Variants in ZNF469 observed in about 807,000 individuals in gnomAD.
ZNF469 encodes zinc finger protein 469.
Under a neutral mutation model 1.0 loss-of-function variants are expected in ZNF469, and 1 was observed. The observed-to-expected ratio is 1.00, with a 90% CI of 0.35 to 4.73. The LOEUF is 4.73. Ranked by LOEUF, ZNF469 falls within the 30% of genes most tolerant of loss-of-function variation. ZNF469 has a pLI of 0.16. For missense variants in ZNF469, 6,100 were observed against 5,356.3 expected (o/e 1.14, Z -4.33); for synonymous variants, 2,703 against 2,363.4 (o/e 1.14, Z -4.17).
the ZNF469 span, among the ~76,000 whole-genome samples, chr16:88,355,099 C>T: frequency 2.0e-5 from 3 of 152,196 alleles, no homozygotes; most frequent in Non-Finnish European, 2.9e-5. Context: ...GGGCAGGGGG[C>T]GCAGAACACT....
chr16:88,321,883 C>G, the ZNF469 span, among the ~76,000 whole-genome samples: 1 of 152,250 alleles, frequency 6.6e-6, no homozygotes, highest in Admixed American at 6.5e-5. Flanking sequence ...GTGCCTCCCC[C>G]AAATGCCTTC....
chr16:88,304,736 G>T, the ZNF469 span, among the ~76,000 whole-genome samples: 1 of 152,200 alleles, frequency 6.6e-6, no homozygotes, highest in Non-Finnish European at 1.5e-5. Context: ...TCTGCTCCTG[G>T]ATGTTGCAAA....
At chr16:88,184,876 G>T in the ZNF469 span, among the ~76,000 whole-genome samples, 1 of 152,282 alleles carries the variant, frequency 6.6e-6, no homozygotes, top group East Asian at 1.9e-4. Flanking sequence ...GCACAGACAC[G>T]GACTCACATA....
the ZNF469 span, among the ~76,000 whole-genome samples, chr16:88,296,391 TACAG>T: frequency 1.3e-5 from 2 of 151,750 alleles, no homozygotes; most frequent in African/African-American, 2.4e-5. Context: ...CAGGTGCACA[TACAG>T]ACACATATGT....
chr16:88,428,430 G>A lies in ZNF469; in HGVS notation c.960G>A (p.Thr320=), dbSNP rs752405331. ...CGTGGCCGGAGGAGGCCGTGGGCAC[G>A]GGCCCTGCCTACCCGCTGCCCACCC... The part of the protein sequence containing the change: ...QGAWPEEAVG[T]GPAYPLPTQP... The change falls in exon 3 of 3, where the codon ACG becomes ACA. Residue 320 remains threonine, a synonymous_variant. Transcript: ENST00000565624. 19 of 1,547,942 alleles carry A rather than the reference G, an allele frequency of 1.2e-5. No homozygotes were observed. The highest frequency in any genetic ancestry group is 1.7e-4 in the Middle Eastern group (1 of 6,012).
At chr16:88,323,309 C>T in the ZNF469 span, among the ~76,000 whole-genome samples, 1 of 152,216 alleles carries the variant, frequency 6.6e-6, no homozygotes, top group East Asian at 1.9e-4. Context: ...GACACCCTCG[C>T]AGGCCGCTCA....
At chr16:88,101,628 T>G in the ZNF469 span, among the ~76,000 whole-genome samples, 11 of 151,944 alleles carry the variant, frequency 7.2e-5, no homozygotes, top group African/African-American at 2.7e-4. Context: ...AGGACGAGTT[T>G]GGGGCTTGCA....
At chr16:88,285,556 C>T in the ZNF469 span, among the ~76,000 whole-genome samples, 80 of 152,380 alleles carry the variant, frequency 5.3e-4, no homozygotes, top group African/African-American at 1.0e-3. Context: ...GCAGCTGACA[C>T]GGCACCCAGG....
chr16:88,211,760 T>G, the ZNF469 span, among the ~76,000 whole-genome samples: 1 of 152,198 alleles, frequency 6.6e-6, no homozygotes, highest in East Asian at 1.9e-4. Context: ...CCACAAATTC[T>G]GTCCTTTGCT....
At chr16:88,271,300 T>G in the ZNF469 span, among the ~76,000 whole-genome samples, 1 of 135,740 alleles carries the variant, frequency 7.4e-6, no homozygotes, top group South Asian at 2.3e-4. Context: ...TGTGGCAACA[T>G]GTGCAGCTGC....
rs1314016911 is a variant in ZNF469, at chr16:88,433,169, C to T, written c.5699C>T (p.Pro1900Leu). Residue 1900 changes from proline (P) to leucine (L), a missense_variant, in exon 3 of 3, where the codon CCC becomes CTC. Transcript: ENST00000565624. Reference sequence around the variant, plus strand: ...AGGTCCCAGGACCCAGCTTTGAGCCCCCCCATACGTCAGCTCCAGCTCCCA... The same window carrying T: ...AGGTCCCAGGACCCAGCTTTGAGCCTCCCCATACGTCAGCTCCAGCTCCCA... ...SRRSQDPALS[P>L]PIRQLQLPGP... The T allele has an allele frequency of 1.9e-6, 3 of 1,550,328 alleles. No individual in the cohort carries two copies. In the South Asian group the frequency reaches 3.6e-5, roughly 18 times the overall value.
chr16:88,321,300 A>G, the ZNF469 span, among the ~76,000 whole-genome samples: 1 of 152,278 alleles, frequency 6.6e-6, no homozygotes, highest in East Asian at 1.9e-4. Flanking sequence ...TTCAGGCAGA[A>G]TCCACCATCC....
chr16:88,264,207 C>T, the ZNF469 span, among the ~76,000 whole-genome samples: 1 of 152,114 alleles, frequency 6.6e-6, no homozygotes, highest in African/African-American at 2.4e-5. Context: ...CCCTTTGCTT[C>T]CAGGAGGAGC....
chr16:88,297,981 TTA>T, the ZNF469 span, among the ~76,000 whole-genome samples: 1 of 152,186 alleles, frequency 6.6e-6, no homozygotes, highest in South Asian at 2.1e-4. Flanking sequence ...CCCAATATCT[TTA>T]TGTTACGAGC....
the ZNF469 span, among the ~76,000 whole-genome samples, chr16:88,143,366 G>A: frequency 0.016 from 2,465 of 152,314 alleles, 77 homozygotes; most frequent in African/African-American, 0.056. Context: ...GGGGTGGAGC[G>A]CCTAGCGGGG....
chr16:88,430,707 G>T lies in ZNF469; in HGVS notation c.3237G>T (p.Arg1079Ser), dbSNP rs1175881330. 1 of 1,480,700 alleles carries T rather than the reference G, an allele frequency of 6.8e-7. No individual in the cohort carries two copies. The allele number at this position is 1,480,700 out of a possible 1,614,324, so 91.7% of individuals were successfully genotyped here. A position where few individuals can be genotyped will look rare whatever the true frequency, so the allele number is the denominator to read the frequency against. Reference sequence around the variant, plus strand: ...GGTGCGGCTCCCTGGCGGCGGGGAGGCCCCGGCCCGGAGCTGAGGACCGCA... The same window carrying T: ...GGTGCGGCTCCCTGGCGGCGGGGAGTCCCCGGCCCGGAGCTGAGGACCGCA... Reference protein sequence around the residue: ...AGRCGSLAAGRPRPGAEDRRL... With the variant: ...AGRCGSLAAGSPRPGAEDRRL... Residue 1079 changes from arginine to serine, a missense_variant, in exon 3 of 3, where the codon AGG becomes AGT. Transcript: ENST00000565624.
the ZNF469 span, among the ~76,000 whole-genome samples, chr16:88,287,308 C>A: frequency 2.6e-5 from 4 of 152,366 alleles, no homozygotes; most frequent in East Asian, 5.8e-4. Flanking sequence ...CACAGTGAAA[C>A]TGCTCTGAGC....
At chr16:88,276,024 C>T in the ZNF469 span, among the ~76,000 whole-genome samples, 1 of 152,194 alleles carries the variant, frequency 6.6e-6, no homozygotes, top group Non-Finnish European at 1.5e-5. Context: ...TGCAGTCCTT[C>T]CCCCAGCATG....
At chr16:88,193,039 G>C in the ZNF469 span, among the ~76,000 whole-genome samples, 1 of 132,306 alleles carries the variant, frequency 7.6e-6, no homozygotes, top group Non-Finnish European at 1.6e-5. Context: ...GGTGGTGATG[G>C]TGGTGGTGAT....
Sources: allele counts gnomAD v4.1 joint callset (sites outside exome capture counted in the v4.1 genomes callset), GRCh38; gene constraint gnomAD v4.1.1; transcripts MANE v1.5; gene names NCBI Gene and HGNC (gene_info 2026-07-23, HGNC 2026-07-21).